CCDC60: variants seen among roughly 807,000 people sequenced by gnomAD.
CCDC60 encodes coiled-coil domain containing 60, also known as coiled-coil domain-containing protein 60.
In CCDC60, 54 loss-of-function variants were observed where a neutral mutation model predicts 63.5. The ratio of observed to expected loss-of-function variants is 0.85; its 90% confidence interval spans 0.68 to 1.07. The LOEUF (loss-of-function observed/expected upper bound fraction) is 1.07, where lower values mean the gene tolerates loss of function less well. Among genes scored for constraint, CCDC60 ranks in the 50% least tolerant of loss-of-function variants. The pLI, the probability that CCDC60 is intolerant of heterozygous loss-of-function variation, is 0.00. For missense variants in CCDC60, 651 were observed against 684.3 expected (o/e 0.95, Z 0.54); for synonymous variants, 206 against 238.8 (o/e 0.86, Z 1.27).
At chr12:119,369,764 T>C (rs558125461) in intron 1 of CCDC60, among the ~76,000 whole-genome samples, 1 of 152,278 alleles carries the variant, frequency 6.6e-6, no homozygotes, top group African/African-American at 2.4e-5. Flanking sequence ...TTGTGTTTGT[T>C]AATTACTATT....
chr12:119,411,118 A>G (rs1442175029), intron 1 of CCDC60, among the ~76,000 whole-genome samples: 3 of 152,332 alleles, frequency 2.0e-5, no homozygotes. Context: ...CTGTGTTTTT[A>G]TGCTAAGTCT....
At chr12:119,458,543 G>A (rs1324748083) in intron 2 of CCDC60, among the ~76,000 whole-genome samples, 1 of 152,082 alleles carries the variant, frequency 6.6e-6, no homozygotes, top group Non-Finnish European at 1.5e-5. Context: ...TTCACTCACT[G>A]CCTCCCAAAT....
At chr12:119,424,818 C>A (rs889390812) in intron 1 of CCDC60, among the ~76,000 whole-genome samples, 2 of 151,942 alleles carry the variant, frequency 1.3e-5, no homozygotes, top group African/African-American at 4.8e-5. Context: ...TAAAATTATA[C>A]TTTGACAGAA....
At chr12:119,343,666 A>ATATATATATATATATATATG (rs1955555769) in intron 1 of CCDC60, among the ~76,000 whole-genome samples, 1 of 147,040 alleles carries the variant, frequency 6.8e-6, no homozygotes, top group South Asian at 2.1e-4. Context: ...CAAACTATAT[A>ATATATATATATATATATATG]TATATATATA....
chr12:119,409,771 A>G (rs1201976945), intron 1 of CCDC60, among the ~76,000 whole-genome samples: 1 of 151,324 alleles, frequency 6.6e-6, no homozygotes, highest in African/African-American at 2.4e-5. Context: ...TCTAATCTTC[A>G]TAATCTTAGT....
rs1006930301 is a variant in CCDC60 at position 119,490,351 on chromosome 12, A to AT, written c.557+1494dup. 5.9e-5 allele frequency among the ~76,000 whole-genome samples: 9 copies of AT among 151,620 alleles called. No homozygotes were observed. The South Asian group carries it at 6.3e-4, about 11-fold the overall frequency. On this transcript the variant is annotated intron_variant, in intron 5 of 13. Transcript: ENST00000327554. Reference sequence around the variant, plus strand: ...TTTATTTTTTTAAGCAGCAGACCTCATTTTTTTTTAAATAGAAACCTCTGT... The same window carrying AT: ...TTTATTTTTTTAAGCAGCAGACCTCATTTTTTTTTTAAATAGAAACCTCTGT...
In CCDC60 at chr12:119,505,317, G is replaced by A. The variant is rs748410751; in HGVS notation, c.883+14G>A. 1.9e-6 allele frequency: 3 copies of A among 1,553,608 alleles called. No homozygotes were observed. The highest frequency in any genetic ancestry group is 2.6e-6 in the Non-Finnish European group (3 of 1,134,920). On this transcript the variant is annotated intron_variant, in intron 7 of 13. Coordinates refer to ENST00000327554, the MANE Select transcript of CCDC60 (RefSeq NM_178499.5). The stretch of plus-strand genomic sequence containing the variant: ...CTCTGTATATGAGTAAGTCCTACCT[G>A]AGATCTGACTCATCTACCCTGACCC...
At chr12:119,443,777 G>T (rs1248804069) in intron 2 of CCDC60, among the ~76,000 whole-genome samples, 1 of 152,194 alleles carries the variant, frequency 6.6e-6, no homozygotes, top group African/African-American at 2.4e-5. Context: ...TTTGGAGCCA[G>T]CATGAATCCT....
At chr12:119,344,855 T>TCACACACACA (rs1199779284) in intron 1 of CCDC60, among the ~76,000 whole-genome samples, 71 of 114,852 alleles carry the variant, frequency 6.2e-4, no homozygotes, top group East Asian at 3.2e-3. Context: ...TCTCTCTCTC[T>TCACACACACA]CACACACACA....
rs142105308 is a variant in CCDC60, at chr12:119,523,906, T to C, written c.1229+88T>C. ...CCAGGTGCCAGGTGCTGGGGCTATA[T>C]CACAAACAAGAAGAACTTGTTCTCT... On this transcript the variant is annotated intron_variant, in intron 11 of 13. Transcript: ENST00000327554. The C allele has an allele frequency of 1.6e-4, 218 of 1,394,094 alleles. No individual in the cohort carries two copies. In the African/African-American group the frequency reaches 2.6e-3, roughly 16 times the overall value. 86.4% of individuals were successfully genotyped at this position (1,394,094 alleles called of 1,614,324 possible). A position where few individuals can be genotyped will look rare whatever the true frequency, so the allele number is the denominator to read the frequency against.
chr12:119,460,801 G>T (rs1436806776), intron 2 of CCDC60, among the ~76,000 whole-genome samples: 3 of 152,148 alleles, frequency 2.0e-5, no homozygotes, highest in Admixed American at 6.5e-5. Context: ...TGAATGTAGG[G>T]GATGGGAGAG....
intron 2 of CCDC60, among the ~76,000 whole-genome samples, chr12:119,468,178 G>C (rs975189850): frequency 3.3e-5 from 5 of 152,162 alleles, no homozygotes; most frequent in African/African-American, 1.2e-4. Context: ...TGTAATCCCA[G>C]CTACGCAGGA....
At chr12:119,434,502 T>C (rs1950291525) in intron 2 of CCDC60, among the ~76,000 whole-genome samples, 1 of 152,068 alleles carries the variant, frequency 6.6e-6, no homozygotes. Context: ...ACAATCAAAT[T>C]AACAAGTAAA....
intron 13 of CCDC60, among the ~76,000 whole-genome samples, chr12:119,539,930 G>A (rs1052217887): frequency 6.6e-6 from 1 of 152,178 alleles, no homozygotes; most frequent in African/African-American, 2.4e-5. Flanking sequence ...CCCTTGGCTA[G>A]GGGAGAGAAT....
intron 2 of CCDC60, among the ~76,000 whole-genome samples, chr12:119,445,350 C>G (rs1004087541): frequency 6.9e-6 from 1 of 144,926 alleles, no homozygotes; most frequent in Non-Finnish European, 1.5e-5. Context: ...GGGAGAATCG[C>G]TTGAACCCGG....
intron 5 of CCDC60, among the ~76,000 whole-genome samples, chr12:119,491,666 T>C (rs1416017947): frequency 6.6e-6 from 1 of 152,140 alleles, no homozygotes; most frequent in South Asian, 2.1e-4. Flanking sequence ...CAAGTGTTTC[T>C]GTTAGCTGGA....
At chr12:119,406,208 G>T (rs201989683) in intron 1 of CCDC60, among the ~76,000 whole-genome samples, 11,709 of 150,492 alleles carry the variant, frequency 0.078, 565 homozygotes, top group East Asian at 0.21. Flanking sequence ...TATATATAGA[G>T]AGAGAGAGAG....
At chr12:119,480,932 T>C (rs1444934198) in intron 4 of CCDC60, among the ~76,000 whole-genome samples, 1 of 143,956 alleles carries the variant, frequency 6.9e-6, no homozygotes, top group Non-Finnish European at 1.5e-5. Flanking sequence ...ATCATCACCA[T>C]CATCATCACC....
intron 1 of CCDC60, among the ~76,000 whole-genome samples, chr12:119,364,731 G>A (rs976323679): frequency 6.6e-6 from 1 of 152,192 alleles, no homozygotes; most frequent in African/African-American, 2.4e-5. Context: ...ACTCCGCTGG[G>A]AACAGAGCAC....
Sources: allele counts gnomAD v4.1 joint callset (sites outside exome capture counted in the v4.1 genomes callset), GRCh38; gene constraint gnomAD v4.1.1; transcripts MANE v1.5; gene names NCBI Gene and HGNC (gene_info 2026-07-23, HGNC 2026-07-21).